Variants in ARHGEF4 observed in about 807,000 individuals in gnomAD.
ARHGEF4 encodes the protein APC-stimulated guanine nucleotide exchange factor 1.
A neutral mutation model predicts 162.0 loss-of-function variants in ARHGEF4; 119 were observed. The observed-to-expected ratio is 0.73, with a 90% CI of 0.63 to 0.86. The LOEUF (loss-of-function observed/expected upper bound fraction) is 0.86, where lower values mean the gene tolerates loss of function less well. ARHGEF4 is among the 40% of genes least tolerant of loss of function. The pLI is 0.00. For missense variants in ARHGEF4, 2,488 were observed against 2,456.0 expected (o/e 1.01, Z -0.28); for synonymous variants, 1,014 against 979.9 (o/e 1.03, Z -0.65).
intron 1 of ARHGEF4, among the ~76,000 whole-genome samples, chr2:130,885,178 G>C (rs1394772283): frequency 6.6e-6 from 1 of 152,042 alleles, no homozygotes; most frequent in African/African-American, 2.4e-5. Flanking sequence ...GCATATGTCA[G>C]ATGTTTGAAG....
chr2:130,864,266 C>T (rs572084139), intron 1 of ARHGEF4, among the ~76,000 whole-genome samples: 19 of 151,672 alleles, frequency 1.3e-4, no homozygotes, highest in African/African-American at 2.4e-4. Flanking sequence ...AAAATAATTA[C>T]GCCTAGTCAC....
At chr2:130,964,040 C>G in intron 4 of ARHGEF4, 1 of 470,008 alleles carries the variant, frequency 2.1e-6, no homozygotes, top group Non-Finnish European at 2.8e-6. Flanking sequence ...CTCGGGCCCG[C>G]CTGCGTGCGG....
At chr2:130,930,813 T>A in intron 2 of ARHGEF4, 139 bp from the exon 3 acceptor site, 2 of 681,874 alleles carry the variant, frequency 2.9e-6, no homozygotes, top group South Asian at 6.8e-5. Context: ...AACAAAGTAT[T>A]TCACTGGACT....
intron 4 of ARHGEF4, among the ~76,000 whole-genome samples, chr2:130,976,586 G>A (rs1463543609): frequency 1.3e-5 from 2 of 152,174 alleles, no homozygotes; most frequent in East Asian, 3.8e-4. Flanking sequence ...GGAGGAGACA[G>A]GGAAATAGGA....
chr2:131,006,033 G>A (rs957015231), intron 4 of ARHGEF4, among the ~76,000 whole-genome samples: 3 of 152,174 alleles, frequency 2.0e-5, no homozygotes, highest in African/African-American at 7.2e-5. Context: ...GGAGCTAAGA[G>A]AGATTGAAAG....
intron 4 of ARHGEF4, chr2:130,964,030 C>A: frequency 2.6e-6 from 1 of 383,492 alleles, no homozygotes; most frequent in Non-Finnish European, 3.6e-6. Context: ...GTGGCTGGAG[C>A]TCGGGCCCGC....
At chr2:130,837,081 C>CGGGCCGTCCCCT in intron 1 of ARHGEF4, 89 bp downstream of exon 1, 1 of 1,176,182 alleles carries the variant, frequency 8.5e-7, no homozygotes, top group Non-Finnish European at 1.1e-6. Context: ...TGCTGCGCCC[C>CGGGCCGTCCCCT]GGGCCGTCCC....
At chr2:130,846,830 A>G (rs1256111656) in intron 1 of ARHGEF4, among the ~76,000 whole-genome samples, 1 of 152,042 alleles carries the variant, frequency 6.6e-6, no homozygotes, top group African/African-American at 2.4e-5. Context: ...GAGTCCGGAG[A>G]GTCTTGTTCT....
chr2:130,840,834 G>A (rs969426624), intron 1 of ARHGEF4, among the ~76,000 whole-genome samples: 1 of 152,142 alleles, frequency 6.6e-6, no homozygotes, highest in African/African-American at 2.4e-5. Context: ...GGAGGTCCAG[G>A]TACTTCTCTG....
intron 1 of ARHGEF4, among the ~76,000 whole-genome samples, chr2:130,901,631 T>A (rs1440546462): frequency 3.3e-5 from 5 of 151,958 alleles, no homozygotes; most frequent in Non-Finnish European, 7.4e-5. Context: ...AGTGATTCTC[T>A]TGCCTTAGCC....
intron 1 of ARHGEF4, among the ~76,000 whole-genome samples, chr2:130,840,209 TACACACAGGTGC>T (rs199716206): frequency 0.032 from 4,833 of 152,062 alleles, 114 homozygotes; most frequent in Non-Finnish European, 0.048. Flanking sequence ...CACACAGGTG[TACACACAGGTGC>T]ACACACACAC....
chr2:130,934,098 T>C (rs1331181729), intron 3 of ARHGEF4, among the ~76,000 whole-genome samples: 10 of 152,070 alleles, frequency 6.6e-5, no homozygotes, highest in Non-Finnish European at 1.5e-5. Context: ...AGGAAGTTCG[T>C]TTCTATTTCT....
chr2:130,849,206 C>T (rs1681214448), intron 1 of ARHGEF4, among the ~76,000 whole-genome samples: 1 of 152,204 alleles, frequency 6.6e-6, no homozygotes, highest in African/African-American at 2.4e-5. Context: ...CGGAGCTCCC[C>T]AAAGAGTAAC....
At chr2:130,936,141 G>A (rs1311360093) in intron 3 of ARHGEF4, among the ~76,000 whole-genome samples, 1 of 152,152 alleles carries the variant, frequency 6.6e-6, no homozygotes, top group Non-Finnish European at 1.5e-5. Context: ...CATGTGTACT[G>A]GAGAAGAATG....
intron 4 of ARHGEF4, among the ~76,000 whole-genome samples, chr2:130,989,408 A>G (rs1319836305): frequency 6.6e-6 from 1 of 152,228 alleles, no homozygotes; most frequent in Admixed American, 6.5e-5. Context: ...AAACAGGATT[A>G]TCTTCTATTT....
intron 1 of ARHGEF4, among the ~76,000 whole-genome samples, chr2:130,910,886 T>A (rs1681139585): frequency 6.6e-6 from 1 of 152,214 alleles, no homozygotes; most frequent in African/African-American, 2.4e-5. Context: ...TGAGCTTATT[T>A]TAAAAATTAG....
rs70994731 is a variant in ARHGEF4 at position 131,007,800 on chromosome 2, C to CTTTTTT, written c.3986-20122_3986-20117dup. Among the ~76,000 whole-genome samples the CTTTTTT allele has an allele frequency of 7.8e-3, 438 of 55,960 alleles. 20 individuals are homozygous for CTTTTTT. Among genetic ancestry groups the CTTTTTT allele is most frequent in the Non-Finnish European group, 9.7e-3 (302 of 31,222 alleles). 36.7% of individuals were successfully genotyped at this position (55,960 alleles called of 152,430 possible). A position where few individuals can be genotyped will look rare whatever the true frequency, so the allele number is the denominator to read the frequency against. ...TAAAGCTAAATTATTCTTTTCTTTT[C>CTTTTTT]TTTTTTTTTTTTTTTTTTTTTTTTT... On this transcript the variant is annotated intron_variant, in intron 4 of 13. Transcript: ENST00000409359.
Position 130,916,124 on chromosome 2 carries a change from G to C in ARHGEF4, c.2178G>C (p.Thr726=). The C allele has an allele frequency of 1.3e-6, 2 of 1,549,744 alleles. No homozygotes were observed. Among genetic ancestry groups the C allele is most frequent in the Non-Finnish European group, 1.7e-6 (2 of 1,146,912 alleles). The change falls in exon 2 of 14, where the codon ACG becomes ACC. Residue 726 remains threonine, a synonymous_variant. Coordinates refer to ENST00000409359, the MANE Select transcript of ARHGEF4 (RefSeq NM_001367493.1). ...VLVPQAASEE[T]PSTEEPPGER... ...TCCCCCAAGCTGCTTCGGAAGAGAC[G>C]CCGAGCACAGAGGAGCCCCCGGGAG...
At chr2:130,992,452 A>C (rs984216976) in intron 4 of ARHGEF4, among the ~76,000 whole-genome samples, 3 of 151,746 alleles carry the variant, frequency 2.0e-5, no homozygotes, top group Non-Finnish European at 4.4e-5. Context: ...CACCGGGAGG[A>C]ACAAACAACT....
Sources: allele counts gnomAD v4.1 joint callset (sites outside exome capture counted in the v4.1 genomes callset), GRCh38; gene constraint gnomAD v4.1.1; transcripts MANE v1.5; gene names NCBI Gene and HGNC (gene_info 2026-07-23, HGNC 2026-07-21).